Variants in YEATS2 observed in about 807,000 individuals in gnomAD.
YEATS2 encodes the protein YEATS domain containing 2.
A neutral mutation model predicts 163.2 loss-of-function variants in YEATS2; 77 were observed. The observed-to-expected ratio is 0.47, with a 90% CI of 0.39 to 0.57. The LOEUF is 0.57. YEATS2 is among the 20% of genes least tolerant of loss of function. The probability of loss-of-function intolerance (pLI) is 0.00; values close to 1 mark genes in which losing one functional copy is unlikely to be tolerated. For synonymous variants in YEATS2, 631 were observed against 645.1 expected (o/e 0.98, Z 0.33); for missense variants, 1,549 against 1,729.8 (o/e 0.90, Z 1.85).
chr3:183,734,243 G>A (rs146701844), intron 7 of YEATS2, among the ~76,000 whole-genome samples: 119 of 152,272 alleles, frequency 7.8e-4, no homozygotes, highest in African/African-American at 2.5e-3. Context: ...GAGTGGTCTG[G>A]GAACTGAGGT....
intron 15 of YEATS2, among the ~76,000 whole-genome samples, chr3:183,767,258 C>T (rs529455788): frequency 1.3e-5 from 2 of 152,222 alleles, no homozygotes; most frequent in Admixed American, 1.3e-4. Context: ...CAGCGTCTAG[C>T]TCCGTTGCCC....
chr3:183,753,780 C>A (rs1431923464), intron 10 of YEATS2, among the ~76,000 whole-genome samples: 1 of 151,998 alleles, frequency 6.6e-6, no homozygotes, highest in Non-Finnish European at 1.5e-5. Flanking sequence ...AGGAGGATAT[C>A]ATTAGATTTA....
intron 21 of YEATS2, among the ~76,000 whole-genome samples, chr3:183,796,126 G>A (rs972023427): frequency 1.3e-5 from 2 of 149,918 alleles, no homozygotes; most frequent in African/African-American, 2.5e-5. Context: ...TGAATTACAG[G>A]CACCTGCCAC....
chr3:183,775,699 T>G (rs1340654205), intron 17 of YEATS2, among the ~76,000 whole-genome samples: 4 of 152,230 alleles, frequency 2.6e-5, no homozygotes, highest in Non-Finnish European at 2.9e-5. Context: ...CAGTCAGTTG[T>G]CATGCAGTTG....
At chr3:183,736,301 C>G (rs1718335420) in intron 7 of YEATS2, among the ~76,000 whole-genome samples, 1 of 152,188 alleles carries the variant, frequency 6.6e-6, no homozygotes, top group African/African-American at 2.4e-5. Flanking sequence ...TGAGCATGTT[C>G]ATGATTCATT....
intron 1 of YEATS2, among the ~76,000 whole-genome samples, chr3:183,713,070 A>G (rs924937056): frequency 6.6e-6 from 1 of 152,170 alleles, no homozygotes; most frequent in Non-Finnish European, 1.5e-5. Flanking sequence ...CATGGCCTGT[A>G]CAGGCCGCTA....
At chr3:183,802,206 A>T (rs918003114) in intron 25 of YEATS2, 1 of 152,640 alleles carries the variant, frequency 6.6e-6, no homozygotes, top group African/African-American at 2.4e-5. Flanking sequence ...CTGAGGGGCC[A>T]GCAGCCTACG....
chr3:183,734,213 AT>A (rs1212433115), intron 7 of YEATS2, among the ~76,000 whole-genome samples: 1 of 152,172 alleles, frequency 6.6e-6, no homozygotes, highest in Admixed American at 6.5e-5. Flanking sequence ...GCCCAGTCAT[AT>A]TACTGTGCGT....
chr3:183,698,957 G>T (rs1197675027), intron 1 of YEATS2, among the ~76,000 whole-genome samples: 1 of 152,184 alleles, frequency 6.6e-6, no homozygotes, highest in African/African-American at 2.4e-5. Context: ...AGATAGGGCA[G>T]ATGATGCCCT....
At chr3:183,731,023 TG>T (rs1430491901) in intron 7 of YEATS2, among the ~76,000 whole-genome samples, 1 of 152,046 alleles carries the variant, frequency 6.6e-6, no homozygotes, top group Non-Finnish European at 1.5e-5. Context: ...TGGAATAGGC[TG>T]GGCGCGGTGG....
chr3:183,803,895 A>C, intron 26 of YEATS2, 92 bp from the exon 27 acceptor site: 2 of 1,319,256 alleles, frequency 1.5e-6, no homozygotes, highest in Non-Finnish European at 2.1e-6. Context: ...CTAACAGGTT[A>C]GGTTAGGATG....
intron 8 of YEATS2, among the ~76,000 whole-genome samples, chr3:183,745,343 A>G (rs1193528741): frequency 1.3e-5 from 2 of 152,176 alleles, no homozygotes; most frequent in East Asian, 1.9e-4. Flanking sequence ...ACCTGCTCTC[A>G]GGGCTCATTT....
chr3:183,787,217 G>T (rs1724148178), intron 20 of YEATS2, among the ~76,000 whole-genome samples: 1 of 152,160 alleles, frequency 6.6e-6, no homozygotes, highest in African/African-American at 2.4e-5. Flanking sequence ...CTCCCAAAGT[G>T]CTGGGATTAC....
chr3:183,716,250 C>T (rs1313815742), intron 2 of YEATS2, among the ~76,000 whole-genome samples: 6 of 152,148 alleles, frequency 3.9e-5, no homozygotes, highest in East Asian at 1.9e-4. Flanking sequence ...TGAGCCACCG[C>T]GCCCGGCAAC....
At chr3:183,803,901 G>A in intron 26 of YEATS2, 86 bp from the exon 27 acceptor site, 1 of 1,432,254 alleles carries the variant, frequency 7.0e-7, no homozygotes. Flanking sequence ...GGTTAGGTTA[G>A]GATGGTGATT....
intron 1 of YEATS2, among the ~76,000 whole-genome samples, chr3:183,709,282 G>T (rs1714937185): frequency 6.6e-6 from 1 of 152,032 alleles, no homozygotes; most frequent in Admixed American, 6.6e-5. Context: ...ATAAAGCTTT[G>T]TTTTCTTGTG....
chr3:183,789,031 T>G (rs1200207397), intron 20 of YEATS2, among the ~76,000 whole-genome samples: 1 of 152,226 alleles, frequency 6.6e-6, no homozygotes, highest in African/African-American at 2.4e-5. Context: ...ATTAATCCCT[T>G]GTCAGATGTA....
chr3:183,698,676 A>G (rs1479407573), intron 1 of YEATS2, among the ~76,000 whole-genome samples: 1 of 151,942 alleles, frequency 6.6e-6, no homozygotes, highest in African/African-American at 2.4e-5. Context: ...ATTTTTTTTT[A>G]GTTTGATGTT....
At chr3:183,777,748 TTATTTACA>T in intron 19 of YEATS2, 48 bp downstream of exon 19, 1 of 1,569,398 alleles carries the variant, frequency 6.4e-7, no homozygotes, top group Non-Finnish European at 8.6e-7. Flanking sequence ...ATTATGGCAT[TTATTTACA>T]TATTTACATG....
Sources: allele counts gnomAD v4.1 joint callset (sites outside exome capture counted in the v4.1 genomes callset), GRCh38; gene constraint gnomAD v4.1.1; transcripts MANE v1.5; gene names NCBI Gene and HGNC (gene_info 2026-07-23, HGNC 2026-07-21).